ROCK2: variants seen among roughly 807,000 people sequenced by gnomAD.
ROCK2 encodes the protein Rho associated coiled-coil containing protein kinase 2, also known as rho-associated protein kinase 2.
ROCK2 carries 61 observed loss-of-function variants against 195.1 expected under a neutral mutation model. The ratio of observed to expected loss-of-function variants is 0.31; its 90% CI spans 0.25 to 0.39. The LOEUF (loss-of-function observed/expected upper bound fraction) is 0.39, where lower values mean the gene tolerates loss of function less well. Ranked by LOEUF, ROCK2 falls within the 10% of genes least tolerant of loss-of-function variation. ROCK2 has a pLI of 1.00. For missense variants in ROCK2, 1,109 were observed against 1,637.4 expected (o/e 0.68, Z 5.57); for synonymous variants, 504 against 545.5 (o/e 0.92, Z 1.06).
At chr2:11,333,386 T>C (rs10190228) in intron 1 of ROCK2, among the ~76,000 whole-genome samples, 232 of 152,316 alleles carry the variant, frequency 1.5e-3, no homozygotes, top group African/African-American at 5.0e-3. Context: ...TAAGATACTA[T>C]GTATCACTCT....
intron 4 of ROCK2, among the ~76,000 whole-genome samples, chr2:11,238,761 G>A (rs550797766): frequency 2.6e-5 from 4 of 152,136 alleles, no homozygotes; most frequent in South Asian, 4.2e-4. Context: ...TGGGAAGATC[G>A]CTTGAGCCCA....
intron 1 of ROCK2, among the ~76,000 whole-genome samples, chr2:11,288,020 T>C (rs1020416900): frequency 2.6e-5 from 4 of 152,218 alleles, no homozygotes; most frequent in Non-Finnish European, 5.9e-5. Context: ...ACAGATGTCT[T>C]CTTTTCTCTC....
rs755227809 is a variant in ROCK2, at chr2:11,222,193, G to A, written c.1008-19C>T. Reference sequence around the variant, plus strand: ...TACCTCCCTAAACAATGCAGTTAAAGATTGTATTATTTAAAAATTATAAAA... The same window carrying A: ...TACCTCCCTAAACAATGCAGTTAAAAATTGTATTATTTAAAAATTATAAAA... On this transcript the variant is annotated intron_variant, in intron 7 of 32. Coordinates refer to ENST00000315872, the MANE Select transcript of ROCK2 (RefSeq NM_004850.5). 26 of 1,379,218 alleles carry A rather than the reference G, an allele frequency of 1.9e-5. No individual in the cohort carries two copies. The South Asian group carries it at 3.3e-4, about 17-fold the overall frequency. 85.4% of individuals were successfully genotyped at this position (1,379,218 alleles called of 1,614,324 possible).
intron 32 of ROCK2, among the ~76,000 whole-genome samples, chr2:11,189,949 C>T (rs1173044563): frequency 2.0e-5 from 3 of 151,988 alleles, no homozygotes; most frequent in South Asian, 2.1e-4. Context: ...GAGTCATGAT[C>T]GTGCCATTGC....
In ROCK2 at chr2:11,344,286, T is replaced by C; in HGVS notation, c.-150A>G. ...CTCCGGCTTCGGGTCTCCAAGGCGG[T>C]CCCCCGCCTGGGGGCTGCTCCCAGG... On this transcript the variant is annotated 5_prime_UTR_variant, in exon 1 of 33. Transcript: ENST00000315872. This position sits in a 1 kb window ranked among gnomAD's most constrained non-coding sequence, Gnocchi z 5.4. The C allele has an allele frequency of 8.1e-7, 1 of 1,240,158 alleles. No homozygotes were observed. The highest frequency in any genetic ancestry group is 1.0e-6 in the Non-Finnish European group (1 of 993,366). 76.8% of individuals were successfully genotyped at this position (1,240,158 alleles called of 1,614,324 possible). A position where few individuals can be genotyped will look rare whatever the true frequency, so the allele number is the denominator to read the frequency against.
chr2:11,234,799 T>C (rs991620936), intron 5 of ROCK2: 2 of 151,926 alleles, frequency 1.3e-5, no homozygotes, highest in Non-Finnish European at 2.9e-5. Flanking sequence ...AGCTTAGAAG[T>C]TGGAATGCTG....
In ROCK2 at chr2:11,214,387, T is replaced by C. The variant is rs200897852; in HGVS notation, c.2013A>G (p.Gln671=). Residue 671 remains glutamine (Q), a synonymous_variant, in exon 17 of 33, where the codon CAA becomes CAG. Transcript: ENST00000315872. ...LLAKVELEKR[Q]LQERFTDLEK... is the part of the protein sequence containing the mutation. ...CCAAATCAGTAAATCTCTCCTGAAG[T>C]TGTCTCTTCTCCAGTTCTACTTTCG... 319 of 1,602,026 alleles carry C rather than the reference T, an allele frequency of 2.0e-4. No homozygotes were observed. The highest frequency in any genetic ancestry group is 2.5e-4 in the Non-Finnish European group (287 of 1,170,170).
chr2:11,266,418 A>G (rs1287967282), intron 3 of ROCK2, among the ~76,000 whole-genome samples: 1 of 152,224 alleles, frequency 6.6e-6, no homozygotes, highest in Non-Finnish European at 1.5e-5. Context: ...TATGCAGTCT[A>G]TCATTTACCA....
rs1051085519 is a variant in ROCK2 at position 11,194,280 on chromosome 2, T to C, written c.3584A>G (p.Asn1195Ser). The C allele has an allele frequency of 1.9e-5, 28 of 1,448,718 alleles. 1 individual carries two copies. Among genetic ancestry groups the C allele is most frequent in the East Asian group, 7.2e-5 (3 of 41,820 alleles). The allele number at this position is 1,448,718 out of a possible 1,614,324, so 89.7% of individuals were successfully genotyped here. Residue 1195 changes from asparagine (N) to serine (S), a missense_variant, in exon 29 of 33, where the codon AAT becomes AGT. Asn to Ser is a conservative substitution (Grantham distance 46). Transcript: ENST00000315872. ...YDSEQDKEQS[N>S]PYMVLDIDKL... ...CTCTATATCTAAAACCATGTAAGGA[T>C]TGGATTGTTCTTTATCTTGTTCACT...
At chr2:11,343,894 G>C in intron 1 of ROCK2, 102 bp downstream of exon 1, 1 of 1,408,772 alleles carries the variant, frequency 7.1e-7, no homozygotes, top group Non-Finnish European at 9.4e-7. Context: ...GGTGGGGCAA[G>C]ACCTCCCCCT....
rs1669196847 is a variant in ROCK2 at position 11,344,002 on chromosome 2, G to A, written c.135C>T (p.Ser45=). 1.9e-6 allele frequency: 3 copies of A among 1,588,382 alleles called. No homozygotes were observed. Among genetic ancestry groups the A allele is most frequent in the Non-Finnish European group, 1.7e-6 (2 of 1,168,534 alleles). Residue 45 remains serine (S), a synonymous_variant, in exon 1 of 33, where the codon AGC becomes AGT. Transcript: ENST00000315872. The surrounding 1 kb of genome is among the most constrained non-coding windows in gnomAD (Gnocchi z 5.4). ...RDPRSPINVE[S]LLDGLNSLVL... ...CCAGGCCCCGGCCACCTACCAGCAA[G>A]CTCTCCACGTTGATGGGGGAGCGAG...
At chr2:11,243,995 T>C (rs952641955) in intron 4 of ROCK2, among the ~76,000 whole-genome samples, 40 of 152,304 alleles carry the variant, frequency 2.6e-4, no homozygotes, top group African/African-American at 9.6e-4. Flanking sequence ...TGGCAATACC[T>C]AGCTGTGTGA....
At chr2:11,224,653 A>C (rs925304985) in intron 6 of ROCK2, among the ~76,000 whole-genome samples, 193 bp from the exon 7 acceptor site, 3 of 152,184 alleles carry the variant, frequency 2.0e-5, no homozygotes, top group Non-Finnish European at 4.4e-5. Flanking sequence ...TTAAAATTTA[A>C]CACCACCAAT....
intron 1 of ROCK2, among the ~76,000 whole-genome samples, chr2:11,307,218 C>G (rs1219761801): frequency 6.6e-6 from 1 of 152,188 alleles, no homozygotes. Flanking sequence ...TCAGTAGCAT[C>G]CCATTTTATA....
intron 1 of ROCK2, among the ~76,000 whole-genome samples, chr2:11,290,776 G>A (rs531933630): frequency 1.6e-4 from 25 of 152,166 alleles, no homozygotes; most frequent in African/African-American, 5.3e-4. Flanking sequence ...GACTGATTAC[G>A]AGAAAATCAG....
intron 3 of ROCK2, among the ~76,000 whole-genome samples, chr2:11,263,672 C>CACACAA (rs1553308491): frequency 1.9e-4 from 28 of 145,300 alleles, no homozygotes; most frequent in South Asian, 4.2e-4. Flanking sequence ...CACACACACA[C>CACACAA]AAAAAAAAAC....
chr2:11,328,445 T>C (rs191493432), intron 1 of ROCK2, among the ~76,000 whole-genome samples: 3 of 152,352 alleles, frequency 2.0e-5, no homozygotes, highest in African/African-American at 7.2e-5. Flanking sequence ...TACAGAACAC[T>C]AGCACATATA....
At chr2:11,317,612 A>ATATATATAT (rs59701503) in intron 1 of ROCK2, among the ~76,000 whole-genome samples, 6 of 19,310 alleles carry the variant, frequency 3.1e-4, no homozygotes, top group African/African-American at 8.0e-4. Flanking sequence ...ATATATATAT[A>ATATATATAT]TTTTTTTTTT....
intron 1 of ROCK2, among the ~76,000 whole-genome samples, chr2:11,322,369 T>C (rs889968125): frequency 3.3e-5 from 5 of 151,604 alleles, no homozygotes; most frequent in Admixed American, 6.6e-5. Context: ...CTAGTGTGTG[T>C]ATATGTATTT....
Sources: allele counts gnomAD v4.1 joint callset (sites outside exome capture counted in the v4.1 genomes callset), GRCh38; gene constraint gnomAD v4.1.1; non-coding constraint Gnocchi (gnomAD v3.1); transcripts MANE v1.5; gene names NCBI Gene and HGNC (gene_info 2026-07-23, HGNC 2026-07-21).